ARAP2: variants seen among roughly 807,000 people sequenced by gnomAD.
The protein encoded by ARAP2 is arf-GAP with Rho-GAP domain, ANK repeat and PH domain-containing protein 2.
ARAP2 carries 148 observed loss-of-function variants against 194.5 expected under a neutral mutation model. That is an observed-to-expected ratio of 0.76 (90% confidence interval 0.67 to 0.87). The LOEUF is 0.87. Ranked by LOEUF, ARAP2 falls within the 40% of genes least tolerant of loss-of-function variation. The probability of loss-of-function intolerance (pLI) is 0.00; values close to 1 mark genes in which losing one functional copy is unlikely to be tolerated. For synonymous variants in ARAP2, 695 were observed against 683.5 expected (o/e 1.02, Z -0.26); for missense variants, 2,128 against 1,989.7 (o/e 1.07, Z -1.32).
chr4:36,233,544 C>G (rs1751910354), intron 1 of ARAP2, among the ~76,000 whole-genome samples: 1 of 152,204 alleles, frequency 6.6e-6, no homozygotes. Context: ...TAAAATCCCC[C>G]ATCTAACATA....
At chr4:36,020,617 A>G (rs977850485) in intron 5 of ARAP2, among the ~76,000 whole-genome samples, 1 of 152,190 alleles carries the variant, frequency 6.6e-6, no homozygotes, top group African/African-American at 2.4e-5. Context: ...TTTAAAAGTT[A>G]TGATTTGTTT....
At chr4:36,013,597 T>G (rs1714970011) in intron 8 of ARAP2, among the ~76,000 whole-genome samples, 1 of 152,142 alleles carries the variant, frequency 6.6e-6, no homozygotes, top group Non-Finnish European at 1.5e-5. Flanking sequence ...GATAGGTTAG[T>G]ATATTTGCTG....
At chr4:36,119,450 A>G (rs1235284107) in intron 24 of ARAP2, among the ~76,000 whole-genome samples, 200 bp downstream of exon 24, 1 of 151,428 alleles carries the variant, frequency 6.6e-6, no homozygotes, top group South Asian at 2.1e-4. Context: ...CTGATTTTCT[A>G]TTTTTAAAAA....
intron 29 of ARAP2, 118 bp downstream of exon 29, chr4:36,083,250 A>C (rs1730023755): frequency 3.9e-6 from 3 of 761,706 alleles, no homozygotes; most frequent in Non-Finnish European, 6.4e-6. Context: ...AACTTAAAAA[A>C]AATAGCCTAA....
intron 32 of ARAP2, among the ~76,000 whole-genome samples, chr4:36,072,209 A>T (rs1242766643): frequency 6.6e-6 from 1 of 152,124 alleles, no homozygotes; most frequent in Non-Finnish European, 1.5e-5. Context: ...CAAATCACCA[A>T]ACTACCTTAT....
intron 2 of ARAP2, among the ~76,000 whole-genome samples, chr4:36,222,135 T>C (rs987669917): frequency 2.0e-5 from 3 of 152,144 alleles, no homozygotes; most frequent in African/African-American, 7.2e-5. Flanking sequence ...ACTTGTATGA[T>C]GTTAGCCTAG....
intron 28 of ARAP2, among the ~76,000 whole-genome samples, chr4:36,088,942 T>C (rs1220638046): frequency 6.6e-6 from 1 of 152,130 alleles, no homozygotes; most frequent in African/African-American, 2.4e-5. Flanking sequence ...AATTTTATAA[T>C]TCAATATTTA....
chr4:36,205,383 T>A (rs937358440), intron 6 of ARAP2, among the ~76,000 whole-genome samples: 13 of 152,154 alleles, frequency 8.5e-5, no homozygotes, highest in Admixed American at 2.6e-4. Flanking sequence ...GGCTGCCTCT[T>A]ATGAAGAGGT....
chr4:36,119,246 G>A (rs185178584), intron 24 of ARAP2, among the ~76,000 whole-genome samples: 1 of 151,538 alleles, frequency 6.6e-6, no homozygotes, highest in East Asian at 2.0e-4. Context: ...AGCATGCAAA[G>A]CAAAAGCATA....
intron 15 of ARAP2, among the ~76,000 whole-genome samples, chr4:36,156,463 AAGAAATGAAAG>A (rs1423393063): frequency 6.8e-4 from 3 of 4,434 alleles, no homozygotes; most frequent in Non-Finnish European, 1.2e-3. Flanking sequence ...GAAAGAAAGA[AAGAAATGAAAG>A]AGAAGAAAGA....
At position 36,068,099 on chromosome 4, in the gene ARAP2, A is replaced by G. The variant is rs1286438701; in HGVS notation, c.4923T>C (p.Pro1641=). The G allele has an allele frequency of 4.3e-6, 7 of 1,614,076 alleles. No homozygotes were observed. Among genetic ancestry groups the G allele is most frequent in the Non-Finnish European group, 5.9e-6 (7 of 1,179,982 alleles). Residue 1641 remains proline (P), a synonymous_variant, in exon 33 of 33, where the codon CCT becomes CCC. Transcript: ENST00000303965. ...CTTTTGGTTGCCCAAGTGGGGCTTC[A>G]GGCTCTGTGTCCTCCAGGCAGTTGA... ...RSFNCLEDTE[P]EAPLGQPKGH... is the part of the protein sequence containing the mutation.
At chr4:36,207,722 A>G (rs1276785382) in intron 6 of ARAP2, among the ~76,000 whole-genome samples, 1 of 152,122 alleles carries the variant, frequency 6.6e-6, no homozygotes, top group East Asian at 1.9e-4. Flanking sequence ...TTTAAATTGT[A>G]TTTTGACAAT....
chr4:36,044,326 A>G (rs1358551960), intron 5 of ARAP2, among the ~76,000 whole-genome samples: 1 of 152,216 alleles, frequency 6.6e-6, no homozygotes, highest in Non-Finnish European at 1.5e-5. Flanking sequence ...AGAAAAATGG[A>G]AGTAAACAAG....
chr4:36,137,607 G>A (rs575461340), intron 19 of ARAP2, among the ~76,000 whole-genome samples: 49 of 151,780 alleles, frequency 3.2e-4, no homozygotes, highest in African/African-American at 1.1e-3. Context: ...CTGTCATTGA[G>A]CTTTTGAGCC....
At chr4:36,019,387 A>G (rs1325618710) in intron 5 of ARAP2, 1 of 149,408 alleles carries the variant, frequency 6.7e-6, no homozygotes, top group Non-Finnish European at 1.5e-5. Context: ...TCAAAGTTAC[A>G]TGGCAAACAA....
chr4:36,124,639 T>C (rs1296675656), intron 22 of ARAP2, among the ~76,000 whole-genome samples: 1 of 151,902 alleles, frequency 6.6e-6, no homozygotes, highest in East Asian at 1.9e-4. Flanking sequence ...AAGTGAGTTT[T>C]TAAATTCTTG....
intron 5 of ARAP2, among the ~76,000 whole-genome samples, chr4:36,044,223 C>T (rs975332247): frequency 6.6e-6 from 1 of 152,190 alleles, no homozygotes; most frequent in East Asian, 1.9e-4. Context: ...GAGAATTAGA[C>T]AATTTATTTG....
At position 36,127,129 on chromosome 4, in the gene ARAP2, C is replaced by CCCA. The variant is rs370320242; in HGVS notation, c.3640+1401_3640+1403dup. On this transcript the variant is annotated intron_variant, in intron 21 of 32. Coordinates refer to ENST00000303965, the MANE Select transcript of ARAP2 (RefSeq NM_015230.4). ...GGGATTATAGGCGTGAGCCACTGTGCCCAGTCTTGCCATGTACTACTGATA... is the reference window on the plus strand; with the variant it reads ...GGGATTATAGGCGTGAGCCACTGTGCCCACCAGTCTTGCCATGTACTACTGATA... Among the ~76,000 whole-genome samples the CCCA allele has an allele frequency of 3.3e-3, 501 of 152,186 alleles. 4 individuals carry two copies. Among genetic ancestry groups the CCCA allele is most frequent in the African/African-American group, 0.012 (478 of 41,556 alleles).
intron 22 of ARAP2, among the ~76,000 whole-genome samples, chr4:36,122,354 C>T (rs1262671224): frequency 1.3e-5 from 2 of 151,688 alleles, no homozygotes; most frequent in African/African-American, 2.4e-5. Context: ...AAACCAAAGA[C>T]ATTAAATCAA....
Sources: gnomAD v4.1 joint callset for allele counts (sites outside exome capture counted in the v4.1 genomes callset) on GRCh38, gnomAD v4.1.1 for gene constraint, MANE v1.5 for transcripts, NCBI Gene and HGNC (gene_info 2026-07-23, HGNC 2026-07-21) for gene names.